PCMTD1: variants seen among roughly 807,000 people sequenced by gnomAD.
PCMTD1 encodes protein-L-isoaspartate (D-aspartate) O-methyltransferase domain containing 1.
Under a neutral mutation model 37.6 loss-of-function variants are expected in PCMTD1, and 12 were observed. The ratio of observed to expected loss-of-function variants is 0.32; its 90% CI spans 0.20 to 0.52. PCMTD1 has a LOEUF of 0.52. Ranked by LOEUF, PCMTD1 falls within the 20% of genes least tolerant of loss-of-function variation. The probability of loss-of-function intolerance (pLI) is 0.97; values close to 1 mark genes in which losing one functional copy is unlikely to be tolerated. For missense variants in PCMTD1, 235 were observed against 421.3 expected (o/e 0.56, Z 3.87); for synonymous variants, 117 against 135.8 (o/e 0.86, Z 0.96).
intron 3 of PCMTD1, chr8:51,839,691 GACA>G: frequency 2.2e-6 from 2 of 891,190 alleles, no homozygotes; most frequent in African/African-American, 3.6e-5. Context: ...AAGTGGGGCT[GACA>G]ATTTGCACAC....
At chr8:51,873,742 T>C (rs1490943224) in intron 1 of PCMTD1, among the ~76,000 whole-genome samples, 1 of 152,098 alleles carries the variant, frequency 6.6e-6, no homozygotes, top group Non-Finnish European at 1.5e-5. Context: ...CCATGTAACC[T>C]GCTTCTTCCC....
intron 1 of PCMTD1, among the ~76,000 whole-genome samples, chr8:51,875,246 T>C (rs1585842966): frequency 6.6e-6 from 1 of 152,202 alleles, no homozygotes; most frequent in African/African-American, 2.4e-5. Context: ...TGAAGCACTA[T>C]AGAAAACAAA....
chr8:51,884,700 C>CA (rs1363565603), intron 1 of PCMTD1, among the ~76,000 whole-genome samples: 1 of 152,180 alleles, frequency 6.6e-6, no homozygotes, highest in Non-Finnish European at 1.5e-5. Context: ...GGACAATAGA[C>CA]AGCTTTCCCC....
chr8:51,828,745 C>T (rs1447689265), intron 5 of PCMTD1, among the ~76,000 whole-genome samples: 2 of 152,166 alleles, frequency 1.3e-5, no homozygotes, highest in African/African-American at 4.8e-5. Context: ...AAGTAGACTT[C>T]ATGGAAATAA....
At chr8:51,841,501 G>A (rs906193752) in intron 3 of PCMTD1, among the ~76,000 whole-genome samples, 2 of 152,118 alleles carry the variant, frequency 1.3e-5, no homozygotes, top group Admixed American at 1.3e-4. Flanking sequence ...ACGAGAAAAT[G>A]GCCCTCTCCA....
Position 51,845,866 on chromosome 8 carries a change from T to C in PCMTD1, c.308-103A>G. The C allele has an allele frequency of 2.6e-5, 18 of 684,326 alleles. No homozygotes were observed. The South Asian group carries it at 3.7e-4, about 14-fold the overall frequency. The allele number at this position is 684,326 out of a possible 1,614,324, so 42.4% of individuals were successfully genotyped here. ...TATACATCACAGGAGTATTTAAAGA[T>C]GGCTTGAAATATGCAAATACTTCCT... On this transcript the variant is annotated intron_variant, in intron 2 of 5. Coordinates refer to ENST00000522514, the MANE Select transcript of PCMTD1 (RefSeq NM_052937.4).
chr8:51,850,493 G>T (rs1316660386), intron 2 of PCMTD1, among the ~76,000 whole-genome samples: 1 of 152,128 alleles, frequency 6.6e-6, no homozygotes, highest in East Asian at 1.9e-4. Flanking sequence ...GTGACCCAGG[G>T]TCTGCAGATA....
intron 3 of PCMTD1, among the ~76,000 whole-genome samples, chr8:51,834,433 T>C (rs1049136201): frequency 6.6e-6 from 1 of 152,148 alleles, no homozygotes; most frequent in Non-Finnish European, 1.5e-5. Flanking sequence ...ACTATCCTAT[T>C]TGGACTTCTA....
chr8:51,856,798 A>G (rs1389715775), intron 2 of PCMTD1, among the ~76,000 whole-genome samples: 1 of 152,232 alleles, frequency 6.6e-6, no homozygotes, highest in African/African-American at 2.4e-5. Flanking sequence ...AAATGTCCAG[A>G]AAGGACAAAT....
At chr8:51,865,627 C>G (rs1319346086) in intron 1 of PCMTD1, among the ~76,000 whole-genome samples, 1 of 151,948 alleles carries the variant, frequency 6.6e-6, no homozygotes, top group Non-Finnish European at 1.5e-5. Flanking sequence ...AATTCAATAT[C>G]CTTTCATAAT....
chr8:51,881,234 A>G (rs2038786769), intron 1 of PCMTD1, among the ~76,000 whole-genome samples: 1 of 134,642 alleles, frequency 7.4e-6, no homozygotes, highest in African/African-American at 2.5e-5. Flanking sequence ...TACTTAAGAA[A>G]GAAATCCAGT....
At chr8:51,886,536 A>C (rs1421378033) in intron 1 of PCMTD1, among the ~76,000 whole-genome samples, 2 of 152,232 alleles carry the variant, frequency 1.3e-5, no homozygotes, top group African/African-American at 4.8e-5. Context: ...ATCAATAAAG[A>C]AAGCAGCTCC....
At chr8:51,841,920 A>C (rs1489246079) in intron 3 of PCMTD1, among the ~76,000 whole-genome samples, 1 of 151,988 alleles carries the variant, frequency 6.6e-6, no homozygotes, top group East Asian at 1.9e-4. Context: ...GAACACCCTC[A>C]AGCCCGTTCA....
intron 4 of PCMTD1, among the ~76,000 whole-genome samples, chr8:51,833,073 G>A (rs1269676988): frequency 1.3e-5 from 2 of 152,134 alleles, no homozygotes; most frequent in Non-Finnish European, 2.9e-5. Flanking sequence ...TTGAACTCCT[G>A]GGCTCAAGCG....
At chr8:51,851,688 G>A (rs1041278553) in intron 2 of PCMTD1, among the ~76,000 whole-genome samples, 2 of 148,636 alleles carry the variant, frequency 1.3e-5, no homozygotes, top group Non-Finnish European at 1.5e-5. Context: ...GGAGTTTTGC[G>A]CTTATTACCC....
At chr8:51,863,686 T>C in intron 1 of PCMTD1, among the ~76,000 whole-genome samples, 1 of 151,654 alleles carries the variant, frequency 6.6e-6, no homozygotes, top group East Asian at 1.9e-4. Flanking sequence ...CTTTGGGAGG[T>C]CGAGGCGGGC....
intron 3 of PCMTD1, among the ~76,000 whole-genome samples, chr8:51,844,616 G>C (rs921001623): frequency 1.4e-4 from 21 of 152,128 alleles, no homozygotes; most frequent in African/African-American, 5.1e-4. Context: ...AGTACAAGAG[G>C]AAGGGGAGGA....
chr8:51,865,037 G>C (rs1435532573), intron 1 of PCMTD1, among the ~76,000 whole-genome samples: 1 of 151,922 alleles, frequency 6.6e-6, no homozygotes, highest in Non-Finnish European at 1.5e-5. Flanking sequence ...AAGTACAAAG[G>C]GTCATAAGAG....
intron 1 of PCMTD1, among the ~76,000 whole-genome samples, chr8:51,876,464 T>C (rs959884293): frequency 4.6e-5 from 7 of 152,130 alleles, no homozygotes; most frequent in Admixed American, 1.3e-4. Context: ...AGGCCTAGAA[T>C]ACACAGGCAG....
Sources: gnomAD v4.1 joint callset for allele counts (sites outside exome capture counted in the v4.1 genomes callset) on GRCh38, gnomAD v4.1.1 for gene constraint, MANE v1.5 for transcripts, NCBI Gene and HGNC (gene_info 2026-07-23, HGNC 2026-07-21) for gene names.